CAP1: variants seen among roughly 807,000 people sequenced by gnomAD.
CAP1 encodes the protein cyclase associated actin cytoskeleton regulatory protein 1, also known as adenylyl cyclase-associated protein 1.
In CAP1, 11 loss-of-function variants were observed where a neutral mutation model predicts 58.2. The ratio of observed to expected loss-of-function variants is 0.19; its 90% CI spans 0.12 to 0.31. The LOEUF is 0.31. Ranked by LOEUF, CAP1 falls within the 10% of genes least tolerant of loss-of-function variation. CAP1 has a pLI of 1.00. For synonymous variants in CAP1, 183 were observed against 213.8 expected (o/e 0.86, Z 1.26); for missense variants, 423 against 587.5 (o/e 0.72, Z 2.89).
At chr1:40,051,220 T>A (rs2124240341) in intron 1 of CAP1, among the ~76,000 whole-genome samples, 1 of 152,334 alleles carries the variant, frequency 6.6e-6, no homozygotes, top group South Asian at 2.1e-4. Context: ...TAATTTAACT[T>A]TCCCTAATCC....
intron 1 of CAP1, among the ~76,000 whole-genome samples, chr1:40,056,991 A>C (rs1472576338): frequency 6.6e-6 from 1 of 152,090 alleles, no homozygotes; most frequent in Non-Finnish European, 1.5e-5. Context: ...GTCCTTTTTC[A>C]TTCTGCTTAA....
chr1:40,060,027 C>T (rs769333499), intron 2 of CAP1, 40 bp from the exon 3 acceptor site: 2 of 1,533,590 alleles, frequency 1.3e-6, no homozygotes, highest in Admixed American at 3.4e-5. Flanking sequence ...AAGCCTCCTT[C>T]TGATGCATGG....
chr1:40,066,162 C>T (rs1647069145), intron 6 of CAP1, 53 bp from the exon 7 acceptor site: 1 of 995,872 alleles, frequency 1.0e-6, no homozygotes, highest in Non-Finnish European at 1.6e-6. Context: ...TCTGGAGTCA[C>T]CACTGTTATG....
Position 40,070,456 on chromosome 1 carries a change from T to G in CAP1, c.1144T>G (p.Phe382Val). 6.2e-7 allele frequency: 1 copy of G among 1,614,160 alleles called. No homozygotes were observed. The highest frequency in any genetic ancestry group is 8.5e-7 in the Non-Finnish European group (1 of 1,179,984). ...VDNCKKLGLV[F>V]DDVVGIVEII... ...TAACTGTAAGAAACTTGGCCTGGTA[T>G]TCGATGACGTGGTGGGCATTGTGGA... The change falls in exon 11 of 13, where the codon TTC (phenylalanine) becomes GTC (valine). Residue 382 changes from phenylalanine to valine, a missense_variant. Transcript: ENST00000372805.
In CAP1 at chr1:40,061,757, T is replaced by G. The variant is rs1253625868; in HGVS notation, c.239T>G (p.Leu80Trp). 3.7e-6 allele frequency: 6 copies of G among 1,614,058 alleles called. No homozygotes were observed. The highest frequency in any genetic ancestry group is 1.7e-5 in the Admixed American group (1 of 60,006). The change falls in exon 4 of 13, where the codon TTG (leucine) becomes TGG (tryptophan). Residue 80 changes from leucine (L) to tryptophan (W), a missense_variant. By Grantham distance (61) the Leu-to-Trp change is moderately conservative. Transcript: ENST00000372805. ...QKHAEMVHTG[L>W]KLERALLVTA... Reference sequence around the variant, plus strand: ...CAGGCGGAGATGGTCCACACAGGTTTGAAGTTGGAGCGAGCTCTGTTGGTT... The same window carrying G: ...CAGGCGGAGATGGTCCACACAGGTTGGAAGTTGGAGCGAGCTCTGTTGGTT...
intron 4 of CAP1, 135 bp downstream of exon 4, chr1:40,061,947 G>T: frequency 1.4e-6 from 1 of 710,904 alleles, no homozygotes; most frequent in Non-Finnish European, 2.5e-6. Flanking sequence ...AAGTCCCAGA[G>T]GTAGAGCCAT....
chr1:40,047,845 G>A (rs1451124549), intron 1 of CAP1, among the ~76,000 whole-genome samples: 1 of 152,180 alleles, frequency 6.6e-6, no homozygotes, highest in East Asian at 1.9e-4. Context: ...GGAGTTTCAG[G>A]TAGAGGACAT....
At chr1:40,067,780 C>T (rs1309542910) in intron 8 of CAP1, 63 bp downstream of exon 8, 1 of 1,208,068 alleles carries the variant, frequency 8.3e-7, no homozygotes, top group Non-Finnish European at 1.2e-6. Flanking sequence ...ACCCCACCAA[C>T]CAGAACCGTC....
chr1:40,053,384 G>T (rs1475844022), intron 1 of CAP1, among the ~76,000 whole-genome samples: 1 of 152,144 alleles, frequency 6.6e-6, no homozygotes. Flanking sequence ...AAGAAGAGCT[G>T]CAGAGTAGGA....
At chr1:40,060,505 G>A (rs1395628466) in intron 3 of CAP1, among the ~76,000 whole-genome samples, 2 of 152,072 alleles carry the variant, frequency 1.3e-5, no homozygotes, top group Non-Finnish European at 2.9e-5. Context: ...TTATTTAAAG[G>A]AGTCATTATC....
intron 1 of CAP1, among the ~76,000 whole-genome samples, chr1:40,044,017 A>G (rs1240122075): frequency 2.0e-5 from 3 of 152,244 alleles, no homozygotes; most frequent in Non-Finnish European, 4.4e-5. Flanking sequence ...CTGATGTGCA[A>G]ACCAAAAGTG....
At position 40,066,338 on chromosome 1, in the gene CAP1, C is replaced by T; in HGVS notation, c.630+18C>T. On this transcript the variant is annotated intron_variant, in intron 7 of 12. Transcript: ENST00000372805. ...GCAAAACGGTTAGTGAATCCTTCCT[C>T]CCTCCCTCCCTCCCTCCCACTTTCT... 2 of 1,139,162 alleles carry T rather than the reference C, an allele frequency of 1.8e-6. No homozygotes were observed. Among genetic ancestry groups the T allele is most frequent in the South Asian group, 1.3e-5 (1 of 79,052 alleles). 70.6% of individuals were successfully genotyped at this position (1,139,162 alleles called of 1,614,324 possible).
chr1:40,050,129 AG>A (rs1646288674), intron 1 of CAP1, among the ~76,000 whole-genome samples: 1 of 152,140 alleles, frequency 6.6e-6, no homozygotes, highest in Non-Finnish European at 1.5e-5. Context: ...GCTAATTGAA[AG>A]GACTGTTCTG....
At chr1:40,043,792 G>A (rs1033010656) in intron 1 of CAP1, among the ~76,000 whole-genome samples, 3 of 151,970 alleles carry the variant, frequency 2.0e-5, no homozygotes, top group East Asian at 1.9e-4. Flanking sequence ...CAGGAGACTC[G>A]CTTGAACCCG....
intron 1 of CAP1, among the ~76,000 whole-genome samples, chr1:40,057,676 A>G (rs976394550): frequency 6.6e-6 from 1 of 152,118 alleles, no homozygotes; most frequent in Non-Finnish European, 1.5e-5. Context: ...CAATGTGTTA[A>G]ATTGAGATAA....
rs556186341 is a variant in CAP1 at position 40,049,739 on chromosome 1, A to T, written c.-11+8938A>T. On this transcript the variant is annotated intron_variant, in intron 1 of 12. Coordinates refer to ENST00000372805, the MANE Select transcript of CAP1 (RefSeq NM_006367.4). ...GAAGCTTTGTCTTCTTTTCAAACTC[A>T]GCATATCCAAAACTGACCTCATCTT... 3.9e-5 allele frequency among the ~76,000 whole-genome samples: 6 copies of T among 152,244 alleles called. No individual in the cohort carries two copies. In the East Asian group the frequency reaches 1.2e-3, roughly 29 times the overall value.
chr1:40,057,812 T>C (rs1367968137), intron 1 of CAP1, among the ~76,000 whole-genome samples: 2 of 152,246 alleles, frequency 1.3e-5, no homozygotes, highest in Admixed American at 1.3e-4. Flanking sequence ...TTGACGCTTT[T>C]GTGAAATGGA....
chr1:40,070,781 C>CT (rs1447996129), intron 11 of CAP1, 55 bp from the exon 12 acceptor site: 1 of 1,515,282 alleles, frequency 6.6e-7, no homozygotes, highest in Admixed American at 2.0e-5. Context: ...TTTCCTGCGA[C>CT]TTACTGTTGT....
At chr1:40,051,604 C>A (rs1172618575) in intron 1 of CAP1, among the ~76,000 whole-genome samples, 1 of 152,102 alleles carries the variant, frequency 6.6e-6, no homozygotes, top group African/African-American at 2.4e-5. Context: ...GAGATGGAGT[C>A]TCACTCTGTC....
Sources: allele counts gnomAD v4.1 joint callset (sites outside exome capture counted in the v4.1 genomes callset), GRCh38; gene constraint gnomAD v4.1.1; transcripts MANE v1.5; gene names NCBI Gene and HGNC (gene_info 2026-07-23, HGNC 2026-07-21).